INPP4B: variants seen among roughly 807,000 people sequenced by gnomAD.
INPP4B encodes the protein inositol polyphosphate 4-phosphatase type II.
A neutral mutation model predicts 122.5 loss-of-function variants in INPP4B; 55 were observed. That is an observed-to-expected ratio of 0.45 (90% confidence interval 0.36 to 0.56). INPP4B has a LOEUF of 0.56. Among genes scored for constraint, INPP4B ranks in the 20% least tolerant of loss-of-function variants. INPP4B has a pLI of 0.00. For missense variants in INPP4B, 1,000 were observed against 1,097.7 expected, an observed-to-expected ratio of 0.91 and a Z score of 1.26; for synonymous variants, 403 against 388.7, an observed-to-expected ratio of 1.04 and a Z score of -0.43.
intron 5 of INPP4B, among the ~76,000 whole-genome samples, chr4:142,411,097 C>T (rs980713748): frequency 5.3e-5 from 8 of 152,154 alleles, no homozygotes; most frequent in African/African-American, 1.9e-4. Context: ...GATGTGTACA[C>T]TTGCACTTGT....
chr4:142,707,844 A>G (rs577323868), intron 2 of INPP4B, among the ~76,000 whole-genome samples: 1 of 152,364 alleles, frequency 6.6e-6, no homozygotes, highest in Admixed American at 6.5e-5. Flanking sequence ...GGAACTGGGT[A>G]AGGGACACAG....
chr4:142,189,388 T>C (rs1834718616), intron 15 of INPP4B, among the ~76,000 whole-genome samples: 1 of 152,200 alleles, frequency 6.6e-6, no homozygotes. Context: ...ATTTGATCTA[T>C]AGCATACTTA....
intron 24 of INPP4B, among the ~76,000 whole-genome samples, chr4:142,085,542 T>A (rs1215095225): frequency 1.3e-5 from 2 of 152,200 alleles, no homozygotes; most frequent in East Asian, 3.8e-4. Context: ...TACAGGCTTT[T>A]TTTTTGTTAT....
chr4:142,425,930 T>C (rs1807952535), intron 5 of INPP4B, among the ~76,000 whole-genome samples: 2 of 152,092 alleles, frequency 1.3e-5, no homozygotes, highest in African/African-American at 4.8e-5. Flanking sequence ...AAATGTATAT[T>C]TTATTGTACC....
intron 21 of INPP4B, among the ~76,000 whole-genome samples, chr4:142,116,557 T>C (rs979252260): frequency 6.6e-6 from 1 of 152,206 alleles, no homozygotes; most frequent in Non-Finnish European, 1.5e-5. Context: ...TGCTCCTGAA[T>C]GACTACTGGG....
chr4:142,755,044 A>C, intron 1 of INPP4B, among the ~76,000 whole-genome samples: 1 of 152,074 alleles, frequency 6.6e-6, no homozygotes, highest in East Asian at 1.9e-4. Flanking sequence ...ACTCTTGCAC[A>C]CATACTTCAA....
intron 1 of INPP4B, among the ~76,000 whole-genome samples, chr4:142,839,448 A>C (rs192292485): frequency 1.2e-4 from 18 of 152,256 alleles, no homozygotes; most frequent in East Asian, 5.8e-4. Flanking sequence ...ACAACAACAA[A>C]AAAAATGACA....
intron 7 of INPP4B, among the ~76,000 whole-genome samples, chr4:142,315,172 T>C (rs896470387): frequency 1.3e-5 from 2 of 152,212 alleles, no homozygotes; most frequent in Admixed American, 1.3e-4. Context: ...CTAATTACCA[T>C]GATCTGATCA....
chr4:142,086,285 T>C (rs1776699463), intron 23 of INPP4B, 29 bp from the exon 24 acceptor site: 8 of 1,222,508 alleles, frequency 6.5e-6, no homozygotes, highest in Non-Finnish European at 9.7e-6. Flanking sequence ...AGGAGAAAAA[T>C]AAAATGAGAC....
chr4:142,209,096 G>A, intron 12 of INPP4B, 70 bp from the exon 13 acceptor site: 1 of 1,076,050 alleles, frequency 9.3e-7, no homozygotes, highest in East Asian at 2.6e-5. Context: ...CCCTTAGTCA[G>A]AGTTGTCAAG....
intron 12 of INPP4B, 150 bp downstream of exon 12, chr4:142,237,714 G>C (rs570891296): frequency 2.1e-6 from 1 of 466,636 alleles, no homozygotes; most frequent in Non-Finnish European, 3.8e-6. Context: ...AAGTACGTGA[G>C]GTAAGGCAAA....
intron 25 of INPP4B, among the ~76,000 whole-genome samples, chr4:142,050,531 A>T (rs981483645): frequency 6.6e-6 from 1 of 152,010 alleles, no homozygotes. Context: ...GATTCTATAT[A>T]TATTATGGGA....
chr4:142,616,412 G>A (rs765979988), intron 2 of INPP4B, among the ~76,000 whole-genome samples: 41 of 152,148 alleles, frequency 2.7e-4, no homozygotes, highest in Non-Finnish European at 5.6e-4. Flanking sequence ...CAAGGTCGGA[G>A]AAAGCCAGTA....
intron 1 of INPP4B, among the ~76,000 whole-genome samples, chr4:142,836,830 C>T (rs186701493): frequency 6.6e-5 from 10 of 151,764 alleles, no homozygotes; most frequent in East Asian, 1.9e-4. Context: ...TAAATGACAA[C>T]GGGTCAGTAT....
intron 2 of INPP4B, among the ~76,000 whole-genome samples, chr4:142,510,071 T>C (rs1824518611): frequency 6.6e-6 from 1 of 152,230 alleles, no homozygotes; most frequent in Non-Finnish European, 1.5e-5. Context: ...ATCCAGATAA[T>C]CCAGTTTGTA....
At chr4:142,279,773 GCT>G (rs1750323178) in intron 9 of INPP4B, among the ~76,000 whole-genome samples, 3 of 151,840 alleles carry the variant, frequency 2.0e-5, no homozygotes, top group Non-Finnish European at 4.4e-5. Flanking sequence ...CTGCAAATTT[GCT>G]CTGTCAAAGA....
At position 142,592,132 on chromosome 4, in the gene INPP4B, C is replaced by T. The variant is rs374811303; in HGVS notation, c.-190-129406G>A. On this transcript the variant is annotated intron_variant, in intron 2 of 25. Transcript: ENST00000262992. Reference sequence around the variant, plus strand: ...TTTGCATAATACCTGTCCAACTTTTCTGAAAATCTAAATTTTTTTCTAAAA... The same window carrying T: ...TTTGCATAATACCTGTCCAACTTTTTTGAAAATCTAAATTTTTTTCTAAAA... Among the ~76,000 whole-genome samples the T allele has an allele frequency of 6.6e-5, 10 of 152,284 alleles. No homozygotes were observed. In the East Asian group the frequency reaches 7.7e-4, roughly 12 times the overall value.
Position 142,677,955 on chromosome 4 carries a change from G to A in INPP4B, c.-191+47884C>T, listed in dbSNP as rs914110465. Among the ~76,000 whole-genome samples, 15 of 151,804 alleles carry A rather than the reference G, an allele frequency of 9.9e-5. No individual in the cohort carries two copies. The South Asian group carries it at 1.5e-3, about 15-fold the overall frequency. ...GTATACCTTTGTAACAAACCTGCAC[G>A]TTCTGCACATGTATCCCAGAACTTA... On this transcript the variant is annotated intron_variant, in intron 2 of 25. Coordinates refer to ENST00000262992, the MANE Select transcript of INPP4B (RefSeq NM_001101669.3).
intron 25 of INPP4B, among the ~76,000 whole-genome samples, chr4:142,064,092 C>A (rs965708075): frequency 6.6e-6 from 1 of 152,244 alleles, no homozygotes; most frequent in Admixed American, 6.5e-5. Flanking sequence ...TAATTATGTA[C>A]AATTTCTGTG....
Sources: gnomAD v4.1 joint callset for allele counts (sites outside exome capture counted in the v4.1 genomes callset) on GRCh38, gnomAD v4.1.1 for gene constraint, MANE v1.5 for transcripts, NCBI Gene and HGNC (gene_info 2026-07-23, HGNC 2026-07-21) for gene names.